The following SEMA3F variants were observed in gnomAD, a reference collection of about 807,000 sequenced individuals.
The protein encoded by SEMA3F is semaphorin 3F, also known as semaphorin-3F.
A neutral mutation model predicts 98.5 loss-of-function variants in SEMA3F; 30 were observed. The observed-to-expected ratio is 0.30, with a 90% CI of 0.23 to 0.41. The LOEUF (loss-of-function observed/expected upper bound fraction) is 0.41, where lower values mean the gene tolerates loss of function less well. SEMA3F is among the 10% of genes least tolerant of loss of function. SEMA3F has a pLI of 1.00. For missense variants in SEMA3F, 866 were observed against 1,119.3 expected (o/e 0.77, Z 3.23); for synonymous variants, 380 against 444.8 (o/e 0.85, Z 1.83).
chr3:50,179,144 G>A (rs1335610381), intron 7 of SEMA3F, among the ~76,000 whole-genome samples: 1 of 151,830 alleles, frequency 6.6e-6, no homozygotes, highest in Non-Finnish European at 1.5e-5. Flanking sequence ...AATTCTTAAG[G>A]GCCCTAGGGT....
chr3:50,157,442 G>A (rs986922411), intron 1 of SEMA3F, among the ~76,000 whole-genome samples: 5 of 151,958 alleles, frequency 3.3e-5, no homozygotes, highest in African/African-American at 4.8e-5. Flanking sequence ...GGGCTCCCAG[G>A]TGGCGGTGGC....
In SEMA3F at chr3:50,181,834, G is replaced by C. The variant is rs189852230; in HGVS notation, c.644-450G>C. Among the ~76,000 whole-genome samples the C allele has an allele frequency of 1.1e-4, 17 of 151,988 alleles. No individual in the cohort carries two copies. The East Asian group carries it at 2.3e-3, about 21-fold the overall frequency. The stretch of plus-strand genomic sequence containing the variant: ...AGGGTTTCACCATCTTGGCCAGGCT[G>C]GCTTCCAGCTCCTGCCCTCAAATGA... On this transcript the variant is annotated intron_variant, in intron 7 of 18. Coordinates refer to ENST00000002829, the MANE Select transcript of SEMA3F (RefSeq NM_004186.5).
In SEMA3F at chr3:50,185,871, C is replaced by T; in HGVS notation, c.1588-18C>T. On this transcript the variant is annotated intron_variant, in intron 15 of 18. Coordinates refer to ENST00000002829, the MANE Select transcript of SEMA3F (RefSeq NM_004186.5). Reference sequence around the variant, plus strand: ...GGCTATGGGACAGGAACTGACAAGGCCCTACCCTTTGCCCCAGCAACAACT... The same window carrying T: ...GGCTATGGGACAGGAACTGACAAGGTCCTACCCTTTGCCCCAGCAACAACT... The T allele has an allele frequency of 6.2e-7, 1 of 1,609,326 alleles. No homozygotes were observed. The highest frequency in any genetic ancestry group is 1.3e-5 in the African/African-American group (1 of 74,952).
chr3:50,164,372 C>T (rs1447323302), intron 2 of SEMA3F, among the ~76,000 whole-genome samples: 2 of 152,222 alleles, frequency 1.3e-5, no homozygotes, highest in Non-Finnish European at 2.9e-5. Context: ...AGATAAAAAT[C>T]TCACCAGCCC....
intron 2 of SEMA3F, among the ~76,000 whole-genome samples, chr3:50,172,502 C>T (rs1055480571): frequency 3.3e-5 from 5 of 152,090 alleles, no homozygotes; most frequent in African/African-American, 1.2e-4. Flanking sequence ...GGACTTTTCC[C>T]CAGCATCCTG....
chr3:50,166,658 G>A lies in SEMA3F; in HGVS notation c.112+6924G>A, dbSNP rs576384194. On this transcript the variant is annotated intron_variant, in intron 2 of 18. Coordinates refer to ENST00000002829, the MANE Select transcript of SEMA3F (RefSeq NM_004186.5). The surrounding 1 kb of genome is among the most constrained non-coding windows in gnomAD (Gnocchi z 4.7). ...GGAACATCCCGGGAATCTCTGGGTGGGTGTTGTGAAGGGGCTGCAGGGACC... is the reference window on the plus strand; with the variant it reads ...GGAACATCCCGGGAATCTCTGGGTGAGTGTTGTGAAGGGGCTGCAGGGACC... 1.3e-5 allele frequency among the ~76,000 whole-genome samples: 2 copies of A among 152,314 alleles called. No homozygotes were observed. Among genetic ancestry groups the A allele is most frequent in the African/African-American group, 2.4e-5 (1 of 41,562 alleles).
At chr3:50,161,867 A>G (rs1037496758) in intron 2 of SEMA3F, among the ~76,000 whole-genome samples, 12 of 152,340 alleles carry the variant, frequency 7.9e-5, no homozygotes, top group South Asian at 2.1e-4. Flanking sequence ...GGTTATGCAC[A>G]CATGAAGTGG....
At position 50,187,868 on chromosome 3, in the gene SEMA3F, C is replaced by G. The variant is rs770318868; in HGVS notation, c.2111C>G (p.Ala704Gly). ...LHVLGRDAVHAALFPPLSMSA... is the reference protein window; with the variant it reads ...LHVLGRDAVHGALFPPLSMSA... ...GTACTGGGCCGGGACGCCGTCCATG[C>G]TGCCCTCTTCCCACCACTGTCCATG... The change falls in exon 19 of 19, where the codon GCT becomes GGT. Residue 704 changes from alanine (A) to glycine (G), a missense_variant. Around this residue, in one of 3 missense-constraint regions of SEMA3F, gnomAD observed 245 missense variants for 260.5 expected, o/e 0.94. Transcript: ENST00000002829. The G allele has an allele frequency of 8.7e-6, 14 of 1,612,948 alleles. No individual in the cohort carries two copies. The highest frequency in any genetic ancestry group is 1.2e-5 in the Non-Finnish European group (14 of 1,179,828).
intron 18 of SEMA3F, among the ~76,000 whole-genome samples, chr3:50,187,455 G>A (rs995284826): frequency 1.4e-5 from 2 of 147,408 alleles, no homozygotes; most frequent in Admixed American, 6.8e-5. Flanking sequence ...AAGGAATTCT[G>A]TGTGTGCTTC....
Position 50,174,253 on chromosome 3 carries a change from G to A in SEMA3F, c.359G>A (p.Arg120Lys). ...CAGGGCGAGTGTGGGAACTTCGTCA[G>A]GCTCATCCAGCCCTGGAACCGAACA... ...DVNGECGNFV[R>K]LIQPWNRTHL... The change falls in exon 5 of 19, where the codon AGG becomes AAG. Residue 120 changes from arginine to lysine, a missense_variant. By Grantham distance (26) the Arg-to-Lys change is conservative (BLOSUM62 2). Coordinates refer to ENST00000002829, the MANE Select transcript of SEMA3F (RefSeq NM_004186.5). 6.2e-7 allele frequency: 1 copy of A among 1,613,750 alleles called. No individual in the cohort carries two copies. The highest frequency in any genetic ancestry group is 2.2e-5 in the East Asian group (1 of 44,882).
intron 17 of SEMA3F, 106 bp from the exon 18 acceptor site, chr3:50,186,507 C>T: frequency 6.8e-7 from 1 of 1,464,366 alleles, no homozygotes; most frequent in East Asian, 2.3e-5. Context: ...CCCATCAACA[C>T]AGAGCACTAC....
At chr3:50,170,972 C>G (rs1183971084) in intron 2 of SEMA3F, among the ~76,000 whole-genome samples, 1 of 152,224 alleles carries the variant, frequency 6.6e-6, no homozygotes, top group Non-Finnish European at 1.5e-5. Flanking sequence ...GTCTCTACCA[C>G]CAGGACTGGC....
At chr3:50,160,025 A>G (rs1222557613) in intron 2 of SEMA3F, among the ~76,000 whole-genome samples, 1 of 152,080 alleles carries the variant, frequency 6.6e-6, no homozygotes, top group African/African-American at 2.4e-5. Flanking sequence ...GTCTTTCTGT[A>G]TGATAATTGG....
At chr3:50,185,075 A>G (rs1404277966) in intron 13 of SEMA3F, among the ~76,000 whole-genome samples, 1 of 152,156 alleles carries the variant, frequency 6.6e-6, no homozygotes, top group East Asian at 1.9e-4. Context: ...TATGGCAGGA[A>G]AGGGGTGGAG....
In SEMA3F at chr3:50,181,478, C is replaced by T. The variant is rs553790177; in HGVS notation, c.644-806C>T. Among the ~76,000 whole-genome samples the T allele has an allele frequency of 8.0e-5, 12 of 150,728 alleles. No homozygotes were observed. In the South Asian group the frequency reaches 1.5e-3, roughly 19 times the overall value. The stretch of plus-strand genomic sequence containing the variant: ...CTGGGACTACATGCGTGCACCACCA[C>T]GCTCAGCTAATTTTTTTGTATTTTT... On this transcript the variant is annotated intron_variant, in intron 7 of 18. Coordinates refer to ENST00000002829, the MANE Select transcript of SEMA3F (RefSeq NM_004186.5).
chr3:50,161,243 G>A (rs1030161653), intron 2 of SEMA3F, among the ~76,000 whole-genome samples: 2 of 152,144 alleles, frequency 1.3e-5, no homozygotes, highest in Non-Finnish European at 2.9e-5. Flanking sequence ...TAAGCAGGAG[G>A]GGCAAAACAG....
chr3:50,182,862 G>T lies in SEMA3F; in HGVS notation c.904-42G>T. ...AGCCCTGCTCCAGCCAGGGCTTGGGGTCAAGAGCTGATCTGACCCGGCCTC... is the reference window on the plus strand; with the variant it reads ...AGCCCTGCTCCAGCCAGGGCTTGGGTTCAAGAGCTGATCTGACCCGGCCTC... On this transcript the variant is annotated intron_variant, in intron 9 of 18. Transcript: ENST00000002829. The surrounding 1 kb of genome is among the most constrained non-coding windows in gnomAD (Gnocchi z 4.5). 6.2e-7 allele frequency: 1 copy of T among 1,611,674 alleles called. No homozygotes were observed. Among genetic ancestry groups the T allele is most frequent in the Non-Finnish European group, 8.5e-7 (1 of 1,178,592 alleles).
At chr3:50,173,719 T>C in intron 2 of SEMA3F, 74 bp from the exon 3 acceptor site, 1 of 1,318,886 alleles carries the variant, frequency 7.6e-7, no homozygotes, top group Non-Finnish European at 1.1e-6. Flanking sequence ...GGCCTCAGTC[T>C]CCCCTTTATC....
At chr3:50,163,134 C>T (rs1338243660) in intron 2 of SEMA3F, among the ~76,000 whole-genome samples, 1 of 152,164 alleles carries the variant, frequency 6.6e-6, no homozygotes, top group Non-Finnish European at 1.5e-5. Context: ...GAGGCACAGA[C>T]CCTTCACATG....
Sources: allele counts gnomAD v4.1 joint callset (sites outside exome capture counted in the v4.1 genomes callset), GRCh38; gene constraint gnomAD v4.1.1; regional missense constraint gnomAD v4.1.1; non-coding constraint Gnocchi (gnomAD v3.1); transcripts MANE v1.5; gene names NCBI Gene and HGNC (gene_info 2026-07-23, HGNC 2026-07-21).